Variants in DTL observed in about 807,000 individuals in gnomAD.
The protein encoded by DTL is denticleless E3 ubiquitin protein ligase adapter.
A neutral mutation model predicts 87.0 loss-of-function variants in DTL; 46 were observed. That is an observed-to-expected ratio of 0.53 (90% CI 0.42 to 0.68). The LOEUF (loss-of-function observed/expected upper bound fraction) is 0.68. Among genes scored for constraint, DTL ranks in the 30% least tolerant of loss-of-function variants. The pLI is 0.00. For missense variants in DTL, 737 were observed against 869.4 expected (o/e 0.85, Z 1.91); for synonymous variants, 308 against 311.2 (o/e 0.99, Z 0.11).
At chr1:212,077,496 A>G (rs1002839086) in intron 11 of DTL, 4 of 152,556 alleles carry the variant, frequency 2.6e-5, no homozygotes, top group African/African-American at 9.6e-5. Context: ...GAGGAAAAAA[A>G]TGTTTTTCAG....
At chr1:212,041,926 C>T (rs1410588822) in intron 1 of DTL, among the ~76,000 whole-genome samples, 3 of 152,270 alleles carry the variant, frequency 2.0e-5, no homozygotes, top group Admixed American at 2.0e-4. Context: ...TGGTGCCCTT[C>T]TGTTGATTCA....
chr1:212,088,999 T>G (rs1655209139), intron 13 of DTL, among the ~76,000 whole-genome samples: 1 of 152,152 alleles, frequency 6.6e-6, no homozygotes, highest in Non-Finnish European at 1.5e-5. Context: ...GGCAGGAGAA[T>G]TGTTTGAATC....
intron 1 of DTL, 46 bp downstream of exon 1, chr1:212,035,988 TCCC>T: frequency 6.3e-7 from 1 of 1,597,984 alleles, no homozygotes; most frequent in Non-Finnish European, 8.6e-7. Context: ...GGAATTCATT[TCCC>T]CCGAAACACA....
chr1:212,095,702 C>A (rs1293453655), intron 13 of DTL, among the ~76,000 whole-genome samples: 1 of 152,104 alleles, frequency 6.6e-6, no homozygotes, highest in African/African-American at 2.4e-5. Flanking sequence ...ATTAAACTTT[C>A]CCTGCATCCC....
intron 5 of DTL, chr1:212,051,618 C>G: frequency 1.2e-6 from 1 of 817,458 alleles, no homozygotes; most frequent in Non-Finnish European, 2.1e-6. Flanking sequence ...AGCAGGCTGG[C>G]GCTTTAGTTG....
chr1:212,060,586 A>G (rs1654245320), intron 5 of DTL, among the ~76,000 whole-genome samples: 1 of 152,050 alleles, frequency 6.6e-6, no homozygotes, highest in Non-Finnish European at 1.5e-5. Flanking sequence ...AATACAAAAA[A>G]TTAGCTTGAC....
At chr1:212,076,060 T>C (rs1315484212) in intron 11 of DTL, among the ~76,000 whole-genome samples, 1 of 152,228 alleles carries the variant, frequency 6.6e-6, no homozygotes, top group Non-Finnish European at 1.5e-5. Context: ...TTTTTATGAC[T>C]GAATAATATG....
chr1:212,055,656 T>A (rs1054014448), intron 5 of DTL, among the ~76,000 whole-genome samples: 4 of 152,176 alleles, frequency 2.6e-5, no homozygotes, highest in South Asian at 4.1e-4. Context: ...CTATGGGTAC[T>A]CCCAGGGAAA....
chr1:212,067,723 G>A (rs1654549670), intron 8 of DTL, among the ~76,000 whole-genome samples: 1 of 152,090 alleles, frequency 6.6e-6, no homozygotes, highest in South Asian at 2.1e-4. Context: ...GTGTTTTCAA[G>A]TTACCTTTAT....
At chr1:212,063,186 A>G (rs1654386150) in intron 6 of DTL, among the ~76,000 whole-genome samples, 1 of 152,210 alleles carries the variant, frequency 6.6e-6, no homozygotes, top group Non-Finnish European at 1.5e-5. Context: ...CTTCTGAATT[A>G]TAATGCCATT....
At chr1:212,089,121 A>G (rs777102225) in intron 13 of DTL, among the ~76,000 whole-genome samples, 2 of 152,064 alleles carry the variant, frequency 1.3e-5, no homozygotes, top group Admixed American at 1.3e-4. Context: ...CTGTTAGTAG[A>G]CTCTGTATAA....
rs916610848 is a variant in DTL at position 212,052,737 on chromosome 1, TA to T, written c.460+5321del. ...CTGTTACCTTAATTACCCATATATA[TA>T]TATTTTTTTTCAATTACTCATGTAT... On this transcript the variant is annotated intron_variant, in intron 5 of 14. Transcript: ENST00000366991. 2.9e-4 allele frequency among the ~76,000 whole-genome samples: 43 copies of T among 149,900 alleles called. 1 individual carries two copies. The highest frequency in any genetic ancestry group is 9.3e-4 in the African/African-American group (38 of 40,760).
rs571358933 is a variant in DTL, at chr1:212,079,365, T to C, written c.1125+1103T>C. ...TTACCCCTATGCATCTCAAACATCA[T>C]ATATTAATTATCCTTATTTCCTGTG... On this transcript the variant is annotated intron_variant, in intron 12 of 14. Coordinates refer to ENST00000366991, the MANE Select transcript of DTL (RefSeq NM_016448.4). 9.2e-5 allele frequency among the ~76,000 whole-genome samples: 14 copies of C among 152,278 alleles called. 1 individual carries two copies. Among genetic ancestry groups the C allele is most frequent in the Admixed American group, 2.6e-4 (4 of 15,274 alleles).
At chr1:212,052,684 T>C (rs983458770) in intron 5 of DTL, among the ~76,000 whole-genome samples, 5 of 151,826 alleles carry the variant, frequency 3.3e-5, no homozygotes, top group African/African-American at 1.2e-4. Context: ...GCCTAATTTA[T>C]TCATATTCTC....
chr1:212,090,146 A>C (rs1655241373), intron 13 of DTL, among the ~76,000 whole-genome samples: 1 of 152,250 alleles, frequency 6.6e-6, no homozygotes, highest in African/African-American at 2.4e-5. Context: ...ATCTTATGAC[A>C]AAATGGGGTT....
At position 212,100,712 on chromosome 1, in the gene DTL, G is replaced by A; in HGVS notation, c.1722G>A (p.Val574=). ...KQKCVKSCNC[V]TELDGQVENL... ...AGTGTGTGAAGAGTTGTAACTGTGT[G>A]ACTGAGCTTGATGGCCAAGTTGAAA... The change falls in exon 14 of 15, where the codon GTG becomes GTA. Residue 574 remains valine (V), a synonymous_variant. Coordinates refer to ENST00000366991, the MANE Select transcript of DTL (RefSeq NM_016448.4). 1 of 1,614,144 alleles carries A rather than the reference G, an allele frequency of 6.2e-7. No individual in the cohort carries two copies. The highest frequency in any genetic ancestry group is 1.1e-5 in the South Asian group (1 of 91,080).
chr1:212,077,889 T>C (rs1329909990), intron 11 of DTL, among the ~76,000 whole-genome samples: 1 of 152,154 alleles, frequency 6.6e-6, no homozygotes, highest in Non-Finnish European at 1.5e-5. Flanking sequence ...TCAAAATATA[T>C]ATGGCTAGGT....
chr1:212,089,699 C>G (rs1655229052), intron 13 of DTL, among the ~76,000 whole-genome samples: 1 of 152,184 alleles, frequency 6.6e-6, no homozygotes, highest in Admixed American at 6.5e-5. Context: ...TCTTTGACCC[C>G]CATGGACCAC....
intron 10 of DTL, 32 bp downstream of exon 10, chr1:212,068,735 A>G: frequency 1.4e-6 from 2 of 1,423,140 alleles, no homozygotes; most frequent in Non-Finnish European, 9.8e-7. Context: ...TTCTCTTACC[A>G]GGAAAGCATT....
Sources: allele counts gnomAD v4.1 joint callset (sites outside exome capture counted in the v4.1 genomes callset), GRCh38; gene constraint gnomAD v4.1.1; transcripts MANE v1.5; gene names NCBI Gene and HGNC (gene_info 2026-07-23, HGNC 2026-07-21).